Variants in ITGB1 observed in about 807,000 individuals in gnomAD.
The protein encoded by ITGB1 is integrin subunit beta 1, also known as integrin beta-1.
In ITGB1, 24 loss-of-function variants were observed where a neutral mutation model predicts 86.5. That is an observed-to-expected ratio of 0.28 (90% confidence interval 0.20 to 0.39). The LOEUF (loss-of-function observed/expected upper bound fraction) is 0.39, where lower values mean the gene tolerates loss of function less well. Ranked by LOEUF, ITGB1 falls within the 10% of genes least tolerant of loss-of-function variation. The pLI is 1.00. For missense variants in ITGB1, 556 were observed against 946.9 expected (o/e 0.59, Z 5.42); for synonymous variants, 323 against 316.8 (o/e 1.02, Z -0.21).
At position 32,935,536 on chromosome 10, in the gene ITGB1, C is replaced by T. The variant is rs1428136624; in HGVS notation, c.23G>A (p.Trp8Ter). 1 of 1,612,966 alleles carries T rather than the reference C, an allele frequency of 6.2e-7. No homozygotes were observed. The highest frequency in any genetic ancestry group is 8.5e-7 in the Non-Finnish European group (1 of 1,179,280). The change falls in exon 2 of 16, where the codon TGG (tryptophan) becomes TAG (stop). Residue 8 changes from tryptophan to a stop codon, truncating the protein, a stop_gained. Transcript: ENST00000302278. LOFTEE classifies it high-confidence loss of function. MNLQPIF[W>*]IGLISSVCCV... is the part of the protein sequence containing the mutation. Reference sequence around the variant, plus strand: ...GCAAACTGAACTGATCAGTCCAATCCAGAAAATTGGTTGTAAATTCATCTG... The same window carrying T: ...GCAAACTGAACTGATCAGTCCAATCTAGAAAATTGGTTGTAAATTCATCTG...
chr10:32,927,277 T>G (rs1205060907), intron 5 of ITGB1, among the ~76,000 whole-genome samples: 1 of 152,180 alleles, frequency 6.6e-6, no homozygotes, highest in Non-Finnish European at 1.5e-5. Flanking sequence ...CAAATCTTTC[T>G]AATATTCTGT....
At chr10:32,934,221 C>T (rs554016911) in intron 2 of ITGB1, among the ~76,000 whole-genome samples, 1 of 152,098 alleles carries the variant, frequency 6.6e-6, no homozygotes, top group Non-Finnish European at 1.5e-5. Context: ...TGGATTCAAG[C>T]AACCACGGAT....
intron 15 of ITGB1, among the ~76,000 whole-genome samples, chr10:32,902,601 T>G (rs1325500673): frequency 6.6e-6 from 1 of 152,218 alleles, no homozygotes; most frequent in Non-Finnish European, 1.5e-5. Context: ...CAGGGAAATT[T>G]TTTTTAAGAA....
At position 32,947,191 on chromosome 10, in the gene ITGB1, T is replaced by C. The variant is rs534039260; in HGVS notation, c.-1+10954A>G. ...CTATAATGCCTCACTTGAATGTTAA[T>C]ATTATGTGCTTTGTAAAAATGTTGT... On this transcript the variant is annotated intron_variant, in intron 1 of 15. Transcript: ENST00000302278. Among the ~76,000 whole-genome samples, 10 of 152,236 alleles carry C rather than the reference T, an allele frequency of 6.6e-5. No individual in the cohort carries two copies. In the East Asian group the frequency reaches 1.5e-3, roughly 24 times the overall value.
intron 1 of ITGB1, among the ~76,000 whole-genome samples, chr10:32,949,811 T>C (rs1440642821): frequency 1.3e-5 from 2 of 152,216 alleles, no homozygotes; most frequent in African/African-American, 2.4e-5. Flanking sequence ...TCATTATTTA[T>C]TAATTTTTTT....
chr10:32,921,869 A>C (rs901454023), intron 9 of ITGB1, among the ~76,000 whole-genome samples: 24 of 152,136 alleles, frequency 1.6e-4, no homozygotes, highest in Non-Finnish European at 4.4e-5. Context: ...AAAAAAAAAA[A>C]CTTTTCTAGC....
At position 32,900,496 on chromosome 10, in the gene ITGB1, G is replaced by C. The variant is rs1031318094; in HGVS notation, c.*1074C>G. 1.3e-5 allele frequency: 2 copies of C among 150,764 alleles called. No homozygotes were observed. Among genetic ancestry groups the C allele is most frequent in the Admixed American group, 1.3e-4 (2 of 15,020 alleles). The allele number at this position is 150,764 out of a possible 1,614,324, so 9.3% of individuals were successfully genotyped here. On this transcript the variant is annotated 3_prime_UTR_variant, in exon 16 of 16. Coordinates refer to ENST00000302278, the MANE Select transcript of ITGB1 (RefSeq NM_002211.4). ...GGCACTTAAAACAAGAATGTGACTA[G>C]TGTGAAACAAGATGGGCAACTCAAA... is the stretch of plus-strand genomic sequence containing the variant.
At chr10:32,944,582 C>A in intron 1 of ITGB1, 1 of 520,226 alleles carries the variant, frequency 1.9e-6, no homozygotes, top group South Asian at 1.6e-5. Flanking sequence ...GAAACTCATC[C>A]GAGATGATGT....
intron 7 of ITGB1, among the ~76,000 whole-genome samples, chr10:32,923,383 G>A (rs2094955727): frequency 6.6e-6 from 1 of 152,152 alleles, no homozygotes; most frequent in Non-Finnish European, 1.5e-5. Flanking sequence ...GCCCTTGTCT[G>A]AGCAGAAGGA....
At chr10:32,944,903 A>G in intron 1 of ITGB1, 1 of 1,334,116 alleles carries the variant, frequency 7.5e-7, no homozygotes, top group Non-Finnish European at 1.1e-6. Context: ...CAAAAGACTA[A>G]AGGCTTATGA....
At chr10:32,902,660 C>A (rs193236984) in intron 15 of ITGB1, among the ~76,000 whole-genome samples, 44 of 152,188 alleles carry the variant, frequency 2.9e-4, no homozygotes, top group Middle Eastern at 3.4e-3. Flanking sequence ...CACTATAGAA[C>A]CAACTGCAGG....
intron 1 of ITGB1, among the ~76,000 whole-genome samples, chr10:32,948,335 G>A (rs963529370): frequency 2.0e-5 from 3 of 152,154 alleles, no homozygotes; most frequent in Non-Finnish European, 2.9e-5. Flanking sequence ...GGTAGTAAAT[G>A]TTAGACAAAA....
rs193075083 is a variant in ITGB1, at chr10:32,917,217, C to T, written c.1469+2668G>A. ...CAAGATGGATTAAAGACTTAGATGTCAGACCTAAAACCATAAAAACCTCAG... is the reference window on the plus strand; with the variant it reads ...CAAGATGGATTAAAGACTTAGATGTTAGACCTAAAACCATAAAAACCTCAG... On this transcript the variant is annotated intron_variant, in intron 11 of 15. Transcript: ENST00000302278. 3.9e-5 allele frequency among the ~76,000 whole-genome samples: 6 copies of T among 152,236 alleles called. No homozygotes were observed. The East Asian group carries it at 1.2e-3, about 29-fold the overall frequency.
At chr10:32,916,428 T>C (rs2094931769) in intron 11 of ITGB1, among the ~76,000 whole-genome samples, 1 of 152,222 alleles carries the variant, frequency 6.6e-6, no homozygotes, top group Non-Finnish European at 1.5e-5. Context: ...CATGATTGTA[T>C]ATTTAGAAAA....
intron 1 of ITGB1, among the ~76,000 whole-genome samples, chr10:32,946,912 T>C (rs2095032649): frequency 6.6e-6 from 1 of 152,036 alleles, no homozygotes; most frequent in Non-Finnish European, 1.5e-5. Context: ...TGGCATGATC[T>C]TGGCTCACTG....
At chr10:32,942,534 C>T (rs1016689004) in intron 1 of ITGB1, among the ~76,000 whole-genome samples, 3 of 152,164 alleles carry the variant, frequency 2.0e-5, no homozygotes, top group African/African-American at 7.2e-5. Context: ...ATAGCTATTG[C>T]ACCTAGAAAT....
At chr10:32,947,657 T>C (rs1016535463) in intron 1 of ITGB1, among the ~76,000 whole-genome samples, 5 of 152,088 alleles carry the variant, frequency 3.3e-5, no homozygotes, top group Non-Finnish European at 5.9e-5. Flanking sequence ...ATTGAATAAA[T>C]GAAGAAACTA....
chr10:32,953,844 T>C (rs2095047244), intron 1 of ITGB1: 1 of 152,210 alleles, frequency 6.6e-6, no homozygotes, highest in African/African-American at 2.4e-5. Context: ...ATGTGACCAA[T>C]GAAGTCTTTC....
At chr10:32,914,890 T>G (rs1342099908) in intron 11 of ITGB1, among the ~76,000 whole-genome samples, 3 of 152,174 alleles carry the variant, frequency 2.0e-5, no homozygotes, top group Non-Finnish European at 4.4e-5. Flanking sequence ...CCGCACTTAT[T>G]GCAAAACTGA....
Sources: gnomAD v4.1 joint callset for allele counts (sites outside exome capture counted in the v4.1 genomes callset) on GRCh38, gnomAD v4.1.1 for gene constraint, MANE v1.5 for transcripts, NCBI Gene and HGNC (gene_info 2026-07-23, HGNC 2026-07-21) for gene names.